The following BNC2 variants were observed in gnomAD, a reference collection of about 807,000 sequenced individuals.
BNC2 encodes the protein zinc finger protein basonuclin-2.
In BNC2, 20 loss-of-function variants were observed where a neutral mutation model predicts 76.3. That is an observed-to-expected ratio of 0.26 (90% CI 0.18 to 0.38). BNC2 has a LOEUF of 0.38. Ranked by LOEUF, BNC2 falls within the 10% of genes least tolerant of loss-of-function variation. The pLI, the probability that BNC2 is intolerant of heterozygous loss-of-function variation, is 1.00. For missense variants in BNC2, 1,382 were observed against 1,399.8 expected (o/e 0.99, Z 0.20); for synonymous variants, 582 against 514.8 (o/e 1.13, Z -1.77).
intron 3 of BNC2, among the ~76,000 whole-genome samples, chr9:16,673,960 C>G (rs188051204): frequency 1.5e-3 from 224 of 152,336 alleles, no homozygotes; most frequent in Non-Finnish European, 2.4e-3. Flanking sequence ...AACTCAATAC[C>G]TATCTCTCTT....
chr9:16,805,133 A>G (rs1817874539), intron 1 of BNC2, among the ~76,000 whole-genome samples: 2 of 152,110 alleles, frequency 1.3e-5, no homozygotes, highest in African/African-American at 4.8e-5. Context: ...ACTATCTCGA[A>G]TCTTCAAATG....
At chr9:16,716,272 CACAGCAAATATTCA>C (rs1353020023) in intron 3 of BNC2, among the ~76,000 whole-genome samples, 4 of 152,180 alleles carry the variant, frequency 2.6e-5, no homozygotes, top group Non-Finnish European at 4.4e-5. Context: ...TGACTATTAT[CACAGCAAATATTCA>C]TCTTTACTGA....
At chr9:16,768,464 T>C (rs146938330) in intron 1 of BNC2, among the ~76,000 whole-genome samples, 54 of 152,186 alleles carry the variant, frequency 3.5e-4, no homozygotes, top group African/African-American at 1.2e-3. Context: ...TAACAAGAAT[T>C]GGAAATAAGG....
At chr9:16,736,609 G>A (rs917537797) in intron 2 of BNC2, among the ~76,000 whole-genome samples, 1 of 151,364 alleles carries the variant, frequency 6.6e-6, no homozygotes, top group Non-Finnish European at 1.5e-5. Flanking sequence ...CTCAGTAGCT[G>A]AGATTACAGG....
At chr9:16,866,429 T>A (rs778452470) in intron 1 of BNC2, among the ~76,000 whole-genome samples, 1 of 152,048 alleles carries the variant, frequency 6.6e-6, no homozygotes, top group Non-Finnish European at 1.5e-5. Flanking sequence ...CACTTCTCGG[T>A]GATTTCGTAG....
chr9:16,672,474 G>A (rs944491109), intron 3 of BNC2, among the ~76,000 whole-genome samples: 1 of 152,042 alleles, frequency 6.6e-6, no homozygotes, highest in Non-Finnish European at 1.5e-5. Context: ...TCCAGCCTGG[G>A]CGACAGAGCA....
intron 4 of BNC2, among the ~76,000 whole-genome samples, chr9:16,579,159 C>T (rs1819562352): frequency 6.6e-6 from 1 of 152,152 alleles, no homozygotes; most frequent in East Asian, 1.9e-4. Flanking sequence ...TCCTTCCTCC[C>T]TTAACTCAAT....
intron 3 of BNC2, among the ~76,000 whole-genome samples, chr9:16,704,560 C>T (rs1329966488): frequency 2.1e-5 from 2 of 96,174 alleles, no homozygotes; most frequent in South Asian, 2.7e-4. Flanking sequence ...CTTCTAAATG[C>T]CAAAAAGGAA....
At chr9:16,544,563 A>C (rs1282092865) in intron 5 of BNC2, among the ~76,000 whole-genome samples, 2 of 152,134 alleles carry the variant, frequency 1.3e-5, no homozygotes, top group Non-Finnish European at 2.9e-5. Context: ...CATGCCTGTA[A>C]TCCCAGCATT....
chr9:16,463,776 G>A (rs1156852765), intron 5 of BNC2, among the ~76,000 whole-genome samples: 1 of 151,972 alleles, frequency 6.6e-6, no homozygotes, highest in African/African-American at 2.4e-5. Flanking sequence ...CAAAAATAGG[G>A]TCAGGCATGG....
At chr9:16,674,467 A>T (rs929137124) in intron 3 of BNC2, among the ~76,000 whole-genome samples, 1 of 152,166 alleles carries the variant, frequency 6.6e-6, no homozygotes, top group Non-Finnish European at 1.5e-5. Flanking sequence ...TGGTGTCATG[A>T]TTATTTTAGT....
chr9:16,694,418 A>G (rs1587323938), intron 3 of BNC2, among the ~76,000 whole-genome samples: 1 of 152,332 alleles, frequency 6.6e-6, no homozygotes, highest in East Asian at 1.9e-4. Context: ...ACAGGCATTT[A>G]CTACTAGAGT....
At chr9:16,815,034 G>A (rs1164992793) in intron 1 of BNC2, among the ~76,000 whole-genome samples, 1 of 151,976 alleles carries the variant, frequency 6.6e-6, no homozygotes, top group African/African-American at 2.4e-5. Context: ...AAATTATAAG[G>A]AAGACCCTAG....
intron 3 of BNC2, among the ~76,000 whole-genome samples, chr9:16,596,958 G>A (rs1250970911): frequency 3.9e-5 from 6 of 152,034 alleles, no homozygotes; most frequent in Admixed American, 2.6e-4. Context: ...TCCTTTACTC[G>A]GGAAGAAAAT....
Position 16,634,785 on chromosome 9 carries a change from A to G in BNC2, c.331-51700T>C, listed in dbSNP as rs111890571. Among the ~76,000 whole-genome samples, 941 of 152,260 alleles carry G rather than the reference A, an allele frequency of 6.2e-3. 11 individuals are homozygous for G. Among genetic ancestry groups the G allele is most frequent in the African/African-American group, 0.022 (913 of 41,552 alleles). ...CAAAATGCTGGGATTACAGGCGTGA[A>G]CAACCGCGCCCGGCCCAAATACCTC... On this transcript the variant is annotated intron_variant, in intron 3 of 6. Coordinates refer to ENST00000380672, the MANE Select transcript of BNC2 (RefSeq NM_017637.6).
intron 3 of BNC2, among the ~76,000 whole-genome samples, chr9:16,713,785 C>G (rs1215154148): frequency 6.6e-6 from 1 of 152,090 alleles, no homozygotes; most frequent in Non-Finnish European, 1.5e-5. Flanking sequence ...AATACTTACT[C>G]AATTTTGGCT....
At chr9:16,461,220 A>G (rs1024237174) in intron 5 of BNC2, among the ~76,000 whole-genome samples, 1 of 152,176 alleles carries the variant, frequency 6.6e-6, no homozygotes, top group Non-Finnish European at 1.5e-5. Context: ...GTCTTTTTCA[A>G]AAATGATCAT....
chr9:16,723,112 ATATT>A (rs1161647757), intron 3 of BNC2, among the ~76,000 whole-genome samples: 2 of 152,148 alleles, frequency 1.3e-5, no homozygotes, highest in African/African-American at 2.4e-5. Flanking sequence ...CTTAATATAA[ATATT>A]TATTTTAGCA....
chr9:16,590,985 A>C (rs1819915133), intron 3 of BNC2, among the ~76,000 whole-genome samples: 1 of 152,226 alleles, frequency 6.6e-6, no homozygotes, highest in Non-Finnish European at 1.5e-5. Flanking sequence ...ATGACCAAAA[A>C]GATGAAACAA....
Sources: gnomAD v4.1 joint callset for allele counts (sites outside exome capture counted in the v4.1 genomes callset) on GRCh38, gnomAD v4.1.1 for gene constraint, MANE v1.5 for transcripts, NCBI Gene and HGNC (gene_info 2026-07-23, HGNC 2026-07-21) for gene names.